SNX5: variants seen among roughly 807,000 people sequenced by gnomAD.
SNX5 encodes the protein sorting nexin 5, also known as sorting nexin-5.
A neutral mutation model predicts 53.9 loss-of-function variants in SNX5; 31 were observed. The ratio of observed to expected loss-of-function variants is 0.58; its 90% CI spans 0.43 to 0.78. The LOEUF (loss-of-function observed/expected upper bound fraction) is 0.78, where lower values mean the gene tolerates loss of function less well. SNX5 is among the 30% of genes least tolerant of loss of function. The pLI is 0.00. For synonymous variants in SNX5, 168 were observed against 171.1 expected (o/e 0.98, Z 0.14); for missense variants, 471 against 478.8 (o/e 0.98, Z 0.15).
Position 17,957,031 on chromosome 20 carries a change from A to ATC in SNX5, c.56_57dup (p.Ser20AspfsTer7), listed in dbSNP as rs1259091115. On this transcript the variant is annotated frameshift_variant, in exon 2 of 13. Coordinates refer to ENST00000377759, the MANE Select transcript of SNX5 (RefSeq NM_014426.4). LOFTEE classifies it high-confidence loss of function. ...TCAACATTCAGGTCCACAGATACAG[A>ATC]TCTCAGCTGAAATACATTTTTTGCG... The ATC allele has an allele frequency of 6.3e-7, 1 of 1,577,636 alleles. No individual in the cohort carries two copies. The highest frequency in any genetic ancestry group is 1.1e-5 in the South Asian group (1 of 90,380).
At chr20:17,954,178 G>A in intron 3 of SNX5, 61 bp from the exon 4 acceptor site, 1 of 1,599,024 alleles carries the variant, frequency 6.3e-7, no homozygotes, top group South Asian at 1.1e-5. Flanking sequence ...TCTAGTTGGT[G>A]CCTCATTCTA....
intron 1 of SNX5, among the ~76,000 whole-genome samples, chr20:17,962,503 C>T (rs1403302325): frequency 6.6e-6 from 1 of 151,852 alleles, no homozygotes; most frequent in Non-Finnish European, 1.5e-5. Context: ...GCGCCCAGCC[C>T]AACTCTGCTT....
intron 1 of SNX5, 124 bp from the exon 2 acceptor site, chr20:17,957,161 C>G: frequency 1.5e-6 from 1 of 658,022 alleles, no homozygotes; most frequent in Non-Finnish European, 2.8e-6. Context: ...TTGAGCTGGG[C>G]GCGGCGGCTC....
At chr20:17,968,225 G>A (rs1040248052) in intron 1 of SNX5, 150 bp downstream of exon 1, 7 of 522,966 alleles carry the variant, frequency 1.3e-5, no homozygotes, top group African/African-American at 2.0e-5. Flanking sequence ...TGAAGACCAG[G>A]GAGAGGGGCC....
chr20:17,942,080 T>C lies in SNX5; in HGVS notation c.*277A>G, dbSNP rs1307402154. The C allele has an allele frequency of 2.6e-6, 1 of 384,736 alleles. No homozygotes were observed. The highest frequency in any genetic ancestry group is 4.9e-6 in the Non-Finnish European group (1 of 205,544). The allele number at this position is 384,736 out of a possible 1,614,324, so 23.8% of individuals were successfully genotyped here. A position where few individuals can be genotyped will look rare whatever the true frequency, so the allele number is the denominator to read the frequency against. On this transcript the variant is annotated 3_prime_UTR_variant, in exon 13 of 13. Coordinates refer to ENST00000377759, the MANE Select transcript of SNX5 (RefSeq NM_014426.4). ...AGAAGGCTAATGTGTCCTACACCCT[T>C]TCTTAGTAACTAAAGACGAACTACG... is the stretch of plus-strand genomic sequence containing the variant.
rs1397581153 is a variant in SNX5, at chr20:17,941,712, C to T, written c.*645G>A. 6.6e-6 allele frequency: 1 copy of T among 152,288 alleles called. No individual in the cohort carries two copies. The highest frequency in any genetic ancestry group is 2.4e-5 in the African/African-American group (1 of 41,436). The allele number at this position is 152,288 out of a possible 1,614,324, so 9.4% of individuals were successfully genotyped here. On this transcript the variant is annotated 3_prime_UTR_variant, in exon 13 of 13. Transcript: ENST00000377759. The stretch of plus-strand genomic sequence containing the variant: ...ATTAGGGAGGGGGCTTATACTTTTC[C>T]TAATGTAGATCTGGCCATCTTATAA...
At chr20:17,964,055 C>CT (rs1388535871) in intron 1 of SNX5, among the ~76,000 whole-genome samples, 3 of 152,134 alleles carry the variant, frequency 2.0e-5, no homozygotes, top group Non-Finnish European at 4.4e-5. Flanking sequence ...CACAGCAAGA[C>CT]TGTCTTGAGA....
chr20:17,947,547 A>T lies in SNX5; in HGVS notation c.1017T>A (p.Ala339=), dbSNP rs1389596422. ...ARLKSKDVKL[A]EAHQQECCQK... is the part of the protein sequence containing the mutation. Reference sequence around the variant, plus strand: ...GGCAGCACTCCTGCTGGTGTGCCTCAGCCAACTTGACGTCTTTGCTCTTTA... The same window carrying T: ...GGCAGCACTCCTGCTGGTGTGCCTCTGCCAACTTGACGTCTTTGCTCTTTA... The change falls in exon 11 of 13, where the codon GCT becomes GCA. Residue 339 remains alanine (A), a synonymous_variant. Transcript: ENST00000377759. 1.9e-6 allele frequency: 3 copies of T among 1,613,986 alleles called. No homozygotes were observed. Among genetic ancestry groups the T allele is most frequent in the East Asian group, 4.5e-5 (2 of 44,888 alleles).
intron 11 of SNX5, among the ~76,000 whole-genome samples, chr20:17,946,044 G>A (rs940635917): frequency 5.9e-5 from 9 of 152,144 alleles, no homozygotes; most frequent in African/African-American, 2.2e-4. Flanking sequence ...TGGCCCCTGA[G>A]AACCCCAGAG....
In SNX5 at chr20:17,961,349, T is replaced by C; in HGVS notation, c.52-4312A>G. 4 of 985,410 alleles carry C rather than the reference T, an allele frequency of 4.1e-6. No individual in the cohort carries two copies. In the South Asian group the frequency reaches 1.9e-4, roughly 46 times the overall value. The allele number at this position is 985,410 out of a possible 1,614,324, so 61.0% of individuals were successfully genotyped here. Reference sequence around the variant, plus strand: ...TGACTGAACAACACAAAAGGCAAGATTCTAAAACTCAGAACCCACCAGGAG... The same window carrying C: ...TGACTGAACAACACAAAAGGCAAGACTCTAAAACTCAGAACCCACCAGGAG... On this transcript the variant is annotated intron_variant, in intron 1 of 12. Transcript: ENST00000377759.
At chr20:17,965,236 T>C (rs2035518625) in intron 1 of SNX5, among the ~76,000 whole-genome samples, 1 of 152,200 alleles carries the variant, frequency 6.6e-6, no homozygotes, top group Non-Finnish European at 1.5e-5. Context: ...GGCCGCGTCC[T>C]AGCAGAGGCC....
chr20:17,948,928 GCT>G lies in SNX5; in HGVS notation c.878_879del (p.Glu293AlafsTer10), dbSNP rs2039525564. The G allele has an allele frequency of 6.2e-7, 1 of 1,612,230 alleles. No individual in the cohort carries two copies. Among genetic ancestry groups the G allele is most frequent in the East Asian group, 2.2e-5 (1 of 44,876 alleles). ...ATGTTGAGCATGTAGTATCGGAGGA[GCT>G]CTGTTAGCTTCAAATCTTCATCTGA... ...VSSDEDLKLT[E>X]LLRYYMLNIE... is the part of the protein sequence containing the mutation. On this transcript the variant is annotated frameshift_variant, in exon 10 of 13. Transcript: ENST00000377759. LOFTEE classifies it high-confidence loss of function.
Position 17,947,535 on chromosome 20 carries a change from C to T in SNX5, c.1029G>A (p.Gln343=), listed in dbSNP as rs2039503004. ...GTTCAAATTTCTGGCAGCACTCCTG[C>T]TGGTGTGCCTCAGCCAACTTGACGT... ...SKDVKLAEAH[Q]QECCQKFEQL... Residue 343 remains glutamine, a synonymous_variant, in exon 11 of 13, where the codon CAG becomes CAA. Transcript: ENST00000377759. The T allele has an allele frequency of 6.2e-7, 1 of 1,613,932 alleles. No homozygotes were observed. Among genetic ancestry groups the T allele is most frequent in the African/African-American group, 1.3e-5 (1 of 75,050 alleles).
At chr20:17,968,046 C>T (rs1003685041) in intron 1 of SNX5, 3 of 398,444 alleles carry the variant, frequency 7.5e-6, no homozygotes, top group Non-Finnish European at 1.3e-5. Flanking sequence ...ACCTACTGGT[C>T]ACCACGAAGC....
chr20:17,956,705 C>A (rs796548807), intron 2 of SNX5, among the ~76,000 whole-genome samples: 6,062 of 76,236 alleles, frequency 0.08, 86 homozygotes, highest in Non-Finnish European at 0.1. Flanking sequence ...AAAAAAAAAA[C>A]AAAAAAACAA....
chr20:17,944,507 T>C (rs533071774), intron 11 of SNX5: 1 of 152,362 alleles, frequency 6.6e-6, no homozygotes, highest in South Asian at 2.1e-4. Context: ...ACAGGTTTAC[T>C]TGATGATCTT....
Position 17,947,529 on chromosome 20 carries a change from C to A in SNX5, c.1035G>T (p.Glu345Asp). 3 of 1,613,928 alleles carry A rather than the reference C, an allele frequency of 1.9e-6. No individual in the cohort carries two copies. Among genetic ancestry groups the A allele is most frequent in the Non-Finnish European group, 2.5e-6 (3 of 1,179,822 alleles). ...AAAGTTGTTCAAATTTCTGGCAGCA[C>A]TCCTGCTGGTGTGCCTCAGCCAACT... ...DVKLAEAHQQ[E>D]CCQKFEQLSE... Residue 345 changes from glutamate to aspartate, a missense_variant, in exon 11 of 13, where the codon GAG becomes GAT. Coordinates refer to ENST00000377759, the MANE Select transcript of SNX5 (RefSeq NM_014426.4).
At chr20:17,962,118 T>C (rs1250697980) in intron 1 of SNX5, 1 of 359,636 alleles carries the variant, frequency 2.8e-6, no homozygotes, top group Non-Finnish European at 3.9e-6. Context: ...CCTATCTGTG[T>C]TCAATCTCAG....
At chr20:17,966,760 T>C (rs1365155913) in intron 1 of SNX5, among the ~76,000 whole-genome samples, 1 of 152,196 alleles carries the variant, frequency 6.6e-6, no homozygotes, top group Non-Finnish European at 1.5e-5. Context: ...AACATTTCAG[T>C]TGACTACCGA....
Sources: allele counts gnomAD v4.1 joint callset (sites outside exome capture counted in the v4.1 genomes callset), GRCh38; gene constraint gnomAD v4.1.1; transcripts MANE v1.5; gene names NCBI Gene and HGNC (gene_info 2026-07-23, HGNC 2026-07-21).